Variants in NCK1 observed in about 807,000 individuals in gnomAD.
The protein encoded by NCK1 is SH2/SH3 adapter protein NCK1.
Under a neutral mutation model 36.6 loss-of-function variants are expected in NCK1, and 19 were observed. That is an observed-to-expected ratio of 0.52 (90% CI 0.36 to 0.76). NCK1 has a LOEUF of 0.76. Ranked by LOEUF, NCK1 falls within the 30% of genes least tolerant of loss-of-function variation. The probability of loss-of-function intolerance (pLI) is 0.00; values close to 1 mark genes in which losing one functional copy is unlikely to be tolerated. For missense variants in NCK1, 358 were observed against 445.6 expected (o/e 0.80, Z 1.77); for synonymous variants, 165 against 156.0 (o/e 1.06, Z -0.43).
chr3:136,937,825 G>T (rs1177225925), intron 2 of NCK1, among the ~76,000 whole-genome samples: 1 of 152,140 alleles, frequency 6.6e-6, no homozygotes, highest in Non-Finnish European at 1.5e-5. Context: ...CTCTGTGTGA[G>T]TGTGTGGGTG....
intron 2 of NCK1, among the ~76,000 whole-genome samples, chr3:136,944,756 C>G (rs1054440252): frequency 2.0e-5 from 3 of 152,096 alleles, no homozygotes; most frequent in African/African-American, 7.2e-5. Context: ...CCTAGGGAAG[C>G]CTCAGTTTTC....
rs748296383 is a variant in NCK1 at position 136,915,730 on chromosome 3, G to GT, written c.-18-12241dup. Among the ~76,000 whole-genome samples, 935 of 142,240 alleles carry GT rather than the reference G, an allele frequency of 6.6e-3. 4 individuals carry two copies. The highest frequency in any genetic ancestry group is 0.029 in the Middle Eastern group (8 of 272). 93.3% of individuals were successfully genotyped at this position (142,240 alleles called of 152,430 possible). On this transcript the variant is annotated intron_variant, in intron 1 of 3. Transcript: ENST00000481752. ...GAAGGTGCCAAACACTTTTGCTTTT[G>GT]TTTTTTTTTTTTTGAGATGGAGTCT...
chr3:136,864,505 A>G (rs1303539113), intron 1 of NCK1, among the ~76,000 whole-genome samples: 2 of 151,674 alleles, frequency 1.3e-5, no homozygotes, highest in Admixed American at 6.6e-5. Flanking sequence ...CAAAAAAAAA[A>G]CAGAAACAAA....
At chr3:136,912,335 G>A (rs971254210) in intron 1 of NCK1, among the ~76,000 whole-genome samples, 15 of 151,628 alleles carry the variant, frequency 9.9e-5, no homozygotes, top group African/African-American at 3.1e-4. Flanking sequence ...GCTGATTTTT[G>A]TGTTTTTAGT....
chr3:136,886,727 T>C (rs896988730), intron 1 of NCK1, among the ~76,000 whole-genome samples: 1 of 152,258 alleles, frequency 6.6e-6, no homozygotes, highest in East Asian at 1.9e-4. Context: ...TTCATTCTCA[T>C]GTTTTTAAAG....
chr3:136,922,060 G>A (rs1184605340), intron 1 of NCK1, among the ~76,000 whole-genome samples: 2 of 152,216 alleles, frequency 1.3e-5, no homozygotes, highest in African/African-American at 4.8e-5. Context: ...TGGGATTACA[G>A]GCGTGAGCCA....
rs1007197278 is a variant in NCK1, at chr3:136,945,793, G to A, written c.437G>A (p.Gly146Asp). 6.2e-7 allele frequency: 1 copy of A among 1,614,112 alleles called. No homozygotes were observed. Residue 146 changes from glycine to aspartate, a missense_variant, in exon 3 of 4, where the codon GGT becomes GAT. Around this residue, in one of 3 missense-constraint regions of NCK1, gnomAD observed 8 missense variants for 29.8 expected, o/e 0.27. Coordinates refer to ENST00000481752, the MANE Select transcript of NCK1 (RefSeq NM_001291999.2). ...MEKCSDGWWRGSYNGQVGWFP... is the reference protein window; with the variant it reads ...MEKCSDGWWRDSYNGQVGWFP... ...AAATGCAGTGATGGGTGGTGGCGTG[G>A]TAGCTACAATGGACAAGTTGGATGG...
At position 136,951,334 on chromosome 3, in the gene NCK1, G is replaced by A. The variant is rs1341785340; in HGVS notation, c.*2881G>A. 6.6e-6 allele frequency among the ~76,000 whole-genome samples: 1 copy of A among 152,156 alleles called. No homozygotes were observed. Among genetic ancestry groups the A allele is most frequent in the African/African-American group, 2.4e-5 (1 of 41,420 alleles). On this transcript the variant is annotated 3_prime_UTR_variant, in exon 4 of 4. Coordinates refer to ENST00000481752, the MANE Select transcript of NCK1 (RefSeq NM_001291999.2). ...TTGTTGCTGGGGTACCTTCTTCAGGGTACATCTAAACACAGTGGCCTTATA... is the reference window on the plus strand; with the variant it reads ...TTGTTGCTGGGGTACCTTCTTCAGGATACATCTAAACACAGTGGCCTTATA...
At chr3:136,920,549 AT>A (rs1435826231) in intron 1 of NCK1, among the ~76,000 whole-genome samples, 5 of 152,192 alleles carry the variant, frequency 3.3e-5, no homozygotes, top group African/African-American at 1.2e-4. Flanking sequence ...TCTTAGGTAT[AT>A]AAGACATTAC....
Position 136,901,237 on chromosome 3 carries a change from T to C in NCK1, c.-18-26747T>C, listed in dbSNP as rs1939532712. The stretch of plus-strand genomic sequence containing the variant: ...TGATTTGTGTAACCATCCTTGCCTC[T>C]CTGGGATAAATCTCACTTCATTGTG... On this transcript the variant is annotated intron_variant, in intron 1 of 3. Coordinates refer to ENST00000481752, the MANE Select transcript of NCK1 (RefSeq NM_001291999.2). 6.6e-5 allele frequency among the ~76,000 whole-genome samples: 10 copies of C among 152,080 alleles called. No individual in the cohort carries two copies. In the South Asian group the frequency reaches 2.1e-3, roughly 31 times the overall value.
At chr3:136,864,066 ACTC>A (rs916353935) in intron 1 of NCK1, among the ~76,000 whole-genome samples, 1 of 151,370 alleles carries the variant, frequency 6.6e-6, no homozygotes, top group Non-Finnish European at 1.5e-5. Flanking sequence ...GCGCCACTGC[ACTC>A]CAGCCTGGGC....
At chr3:136,924,168 A>G (rs1036666767) in intron 1 of NCK1, among the ~76,000 whole-genome samples, 2 of 152,344 alleles carry the variant, frequency 1.3e-5, no homozygotes, top group South Asian at 2.1e-4. Flanking sequence ...TTAACATCAC[A>G]GAAAATGGTT....
chr3:136,945,649 T>C lies in NCK1; in HGVS notation c.293T>C (p.Val98Ala). ...GCATCTCCTGCTGATGATAGTTTTG[T>C]TGACCCAGGGGAACGTCTCTATGAC... ...DSASPADDSF[V>A]DPGERLYDLN... Residue 98 changes from valine to alanine, a missense_variant, in exon 3 of 4, where the codon GTT (valine) becomes GCT (alanine). Physicochemically the swap from Val to Ala is moderately conservative, Grantham distance 64. Coordinates refer to ENST00000481752, the MANE Select transcript of NCK1 (RefSeq NM_001291999.2). 6.2e-7 allele frequency: 1 copy of C among 1,614,144 alleles called. No homozygotes were observed. The highest frequency in any genetic ancestry group is 8.5e-7 in the Non-Finnish European group (1 of 1,179,996).
intron 1 of NCK1, among the ~76,000 whole-genome samples, chr3:136,873,889 A>G (rs1576943152): frequency 1.3e-5 from 2 of 152,342 alleles, no homozygotes; most frequent in South Asian, 2.1e-4. Context: ...CTGTAAGTCC[A>G]TTAAACCTCT....
At chr3:136,864,200 C>T (rs1232831175) in intron 1 of NCK1, among the ~76,000 whole-genome samples, 2 of 151,276 alleles carry the variant, frequency 1.3e-5, no homozygotes, top group Admixed American at 6.6e-5. Context: ...TTGAAACCTA[C>T]GTGTAATGTT....
intron 1 of NCK1, among the ~76,000 whole-genome samples, chr3:136,926,203 C>G (rs1482704637): frequency 6.7e-6 from 1 of 149,346 alleles, no homozygotes; most frequent in Non-Finnish European, 1.5e-5. Context: ...TTTCTAACTG[C>G]TTAAGATAGA....
chr3:136,893,185 T>TACAC (rs1560038396), intron 1 of NCK1, among the ~76,000 whole-genome samples: 5 of 19,504 alleles, frequency 2.6e-4, no homozygotes, highest in Admixed American at 7.1e-4. Flanking sequence ...TGTGTATATA[T>TACAC]ATATATACAC....
chr3:136,865,019 C>T (rs1025801181), intron 1 of NCK1, among the ~76,000 whole-genome samples: 21 of 151,166 alleles, frequency 1.4e-4, no homozygotes, highest in Admixed American at 5.3e-4. Flanking sequence ...AGTGCAGTGG[C>T]GGGATCTTGG....
chr3:136,877,349 G>A (rs575349153), intron 1 of NCK1, among the ~76,000 whole-genome samples: 1 of 152,178 alleles, frequency 6.6e-6, no homozygotes, highest in Non-Finnish European at 1.5e-5. Context: ...CTAGAAAATT[G>A]TCAGCTGTTT....
Sources: allele counts gnomAD v4.1 joint callset (sites outside exome capture counted in the v4.1 genomes callset), GRCh38; gene constraint gnomAD v4.1.1; regional missense constraint gnomAD v4.1.1; transcripts MANE v1.5; gene names NCBI Gene and HGNC (gene_info 2026-07-23, HGNC 2026-07-21).